The following HS3ST4 variants were observed in gnomAD, a reference collection of about 807,000 sequenced individuals.
HS3ST4 encodes the protein heparan sulfate-glucosamine 3-sulfotransferase 4.
In HS3ST4, 17 loss-of-function variants were observed where a neutral mutation model predicts 29.2. The ratio of observed to expected loss-of-function variants is 0.58; its 90% CI spans 0.40 to 0.87. The LOEUF (loss-of-function observed/expected upper bound fraction) is 0.87. Ranked by LOEUF, HS3ST4 falls within the 40% of genes least tolerant of loss-of-function variation. The pLI, the probability that HS3ST4 is intolerant of heterozygous loss-of-function variation, is 0.00. For missense variants in HS3ST4, 627 were observed against 634.5 expected (o/e 0.99, Z 0.13); for synonymous variants, 314 against 285.7 (o/e 1.10, Z -1.00).
At chr16:25,740,481 C>T (rs1435431046) in intron 1 of HS3ST4, among the ~76,000 whole-genome samples, 1 of 152,136 alleles carries the variant, frequency 6.6e-6, no homozygotes, top group Non-Finnish European at 1.5e-5. Context: ...TAAGTGACTC[C>T]TTTAACAGAA....
At chr16:25,699,659 TA>T (rs1966321608) in intron 1 of HS3ST4, among the ~76,000 whole-genome samples, 1 of 152,222 alleles carries the variant, frequency 6.6e-6, no homozygotes, top group African/African-American at 2.4e-5. Flanking sequence ...TCCATTCACC[TA>T]CGAAAAGACT....
chr16:25,919,927 T>C (rs891602522), intron 1 of HS3ST4, among the ~76,000 whole-genome samples: 1 of 152,182 alleles, frequency 6.6e-6, no homozygotes, highest in Non-Finnish European at 1.5e-5. Context: ...AGCTTGGATT[T>C]ACAGGGGGCC....
chr16:25,834,788 A>G (rs993181039), intron 1 of HS3ST4, among the ~76,000 whole-genome samples: 1 of 152,148 alleles, frequency 6.6e-6, no homozygotes, highest in African/African-American at 2.4e-5. Context: ...TCTACCAAAA[A>G]ATACAAAAAT....
intron 1 of HS3ST4, among the ~76,000 whole-genome samples, chr16:25,863,676 T>C (rs56251189): frequency 0.27 from 40,978 of 152,074 alleles, 6,029 homozygotes; most frequent in East Asian, 0.45. Flanking sequence ...ACAGGTGTTA[T>C]GTGTTGTGTG....
intron 1 of HS3ST4, among the ~76,000 whole-genome samples, chr16:25,800,393 T>C (rs1037474248): frequency 6.6e-6 from 1 of 151,886 alleles, no homozygotes; most frequent in Non-Finnish European, 1.5e-5. Context: ...TCTCTTTTTC[T>C]CTCCCCCTCT....
At chr16:26,011,010 C>A (rs1308838824) in intron 1 of HS3ST4, among the ~76,000 whole-genome samples, 3 of 152,168 alleles carry the variant, frequency 2.0e-5, no homozygotes, top group Admixed American at 2.0e-4. Context: ...GTGCTCCACA[C>A]AGTGTTCTGC....
chr16:25,887,700 T>TC (rs1555470807), intron 1 of HS3ST4, among the ~76,000 whole-genome samples: 2 of 126,362 alleles, frequency 1.6e-5, no homozygotes, highest in Non-Finnish European at 3.6e-5. Context: ...GATTTTTTTT[T>TC]TTTTTTTTTT....
intron 1 of HS3ST4, among the ~76,000 whole-genome samples, chr16:26,014,340 T>A (rs1969342664): frequency 6.6e-6 from 1 of 152,362 alleles, no homozygotes; most frequent in Non-Finnish European, 1.5e-5. Flanking sequence ...TATTTATTTT[T>A]AAATTTTTAA....
intron 1 of HS3ST4, among the ~76,000 whole-genome samples, chr16:26,016,809 G>A (rs1288433521): frequency 1.3e-5 from 2 of 152,150 alleles, no homozygotes; most frequent in South Asian, 2.1e-4. Context: ...GAAATGTCTA[G>A]TGCTCACTCA....
rs147951223 is a variant in HS3ST4 at position 25,874,043 on chromosome 16, C to A, written c.734+180892C>A. 1.9e-3 allele frequency among the ~76,000 whole-genome samples: 292 copies of A among 152,258 alleles called. 1 individual carries two copies. Among genetic ancestry groups the A allele is most frequent in the Middle Eastern group, 6.8e-3 (2 of 294 alleles). ...CACTCTCATCGCACCTCACGCTTTC[C>A]TCTTCCAAACACTCATCTATCCATA... On this transcript the variant is annotated intron_variant, in intron 1 of 1. Transcript: ENST00000331351.
chr16:25,760,201 T>C (rs1363042899), intron 1 of HS3ST4, among the ~76,000 whole-genome samples: 1 of 152,118 alleles, frequency 6.6e-6, no homozygotes, highest in African/African-American at 2.4e-5. Flanking sequence ...ACTGGGTGCC[T>C]TAAAAAACAG....
At chr16:25,763,119 A>G (rs1009831393) in intron 1 of HS3ST4, among the ~76,000 whole-genome samples, 5 of 152,096 alleles carry the variant, frequency 3.3e-5, no homozygotes, top group African/African-American at 1.2e-4. Flanking sequence ...TTTCCATCTT[A>G]GAGCAGCAAT....
chr16:25,948,761 T>C (rs1968655126), intron 1 of HS3ST4, among the ~76,000 whole-genome samples: 1 of 152,210 alleles, frequency 6.6e-6, no homozygotes, highest in South Asian at 2.1e-4. Flanking sequence ...ATCATCATGG[T>C]ACCTACTGAG....
At chr16:25,727,380 G>A (rs1966543308) in intron 1 of HS3ST4, among the ~76,000 whole-genome samples, 1 of 152,090 alleles carries the variant, frequency 6.6e-6, no homozygotes, top group Non-Finnish European at 1.5e-5. Flanking sequence ...AAGATGCAGA[G>A]TGACATGTAG....
intron 1 of HS3ST4, chr16:25,824,690 T>G (rs1282982096): frequency 6.6e-6 from 1 of 152,168 alleles, no homozygotes; most frequent in African/African-American, 2.4e-5. Context: ...AGCCAAACCA[T>G]ATCAGCATAC....
rs143470979 is a variant in HS3ST4 at position 25,921,021 on chromosome 16, C to T, written c.735-214591C>T. On this transcript the variant is annotated intron_variant, in intron 1 of 1. Transcript: ENST00000331351. ...TCCTCTCGACACTCTATCTGGGACACGTAGCACTATTTAATAACACTATAC... is the reference window on the plus strand; with the variant it reads ...TCCTCTCGACACTCTATCTGGGACATGTAGCACTATTTAATAACACTATAC... Among the ~76,000 whole-genome samples the T allele has an allele frequency of 7.9e-5, 12 of 152,272 alleles. 1 individual carries two copies. In the East Asian group the frequency reaches 1.7e-3, roughly 22 times the overall value.
chr16:26,090,080 T>C (rs974514443), intron 1 of HS3ST4, among the ~76,000 whole-genome samples: 17 of 152,184 alleles, frequency 1.1e-4, no homozygotes, highest in African/African-American at 4.1e-4. Context: ...ATCAGACACA[T>C]TACAGGTACT....
chr16:26,050,665 A>G (rs1311311479), intron 1 of HS3ST4, among the ~76,000 whole-genome samples: 2 of 152,126 alleles, frequency 1.3e-5, no homozygotes, highest in Admixed American at 1.3e-4. Flanking sequence ...CCCTCCGCCG[A>G]GCAATTTGAG....
chr16:26,026,985 C>G (rs1179240098), intron 1 of HS3ST4, among the ~76,000 whole-genome samples: 1 of 152,206 alleles, frequency 6.6e-6, no homozygotes, highest in Non-Finnish European at 1.5e-5. Flanking sequence ...TGATAGACCT[C>G]TGAAGCAATG....
Sources: allele counts gnomAD v4.1 joint callset (sites outside exome capture counted in the v4.1 genomes callset), GRCh38; gene constraint gnomAD v4.1.1; transcripts MANE v1.5; gene names NCBI Gene and HGNC (gene_info 2026-07-23, HGNC 2026-07-21).